Variants in DIAPH2 observed in about 807,000 individuals in gnomAD.
DIAPH2 encodes protein diaphanous homolog 2.
DIAPH2 carries 35 observed loss-of-function variants against 92.7 expected under a neutral mutation model. The ratio of observed to expected loss-of-function variants is 0.38; its 90% confidence interval spans 0.29 to 0.50. DIAPH2 has a LOEUF of 0.50. DIAPH2 is among the 20% of genes least tolerant of loss of function. The pLI is 0.94. For missense variants in DIAPH2, 701 were observed against 819.5 expected (o/e 0.86, Z 1.77); for synonymous variants, 301 against 280.4 (o/e 1.07, Z -0.73).
intron 17 of DIAPH2, among the ~76,000 whole-genome samples, chrX:96,986,134 TG>T (rs2066030237): frequency 9.0e-6 from 1 of 111,622 alleles, no homozygotes; most frequent in Admixed American, 9.5e-5. Flanking sequence ...ATTTTTTGCA[TG>T]AAAAACACCT....
Position 97,600,924 on chromosome X carries a change from C to T in DIAPH2, c.*1607C>T, listed in dbSNP as rs1337783239. ...TGCCTTTGCCTCCAGTGCATCCTTA[C>T]TTAGGTATTATACTTCTTTAAAAAG... On this transcript the variant is annotated 3_prime_UTR_variant, in exon 27 of 27. Transcript: ENST00000324765. 1 of 111,466 alleles carries T rather than the reference C, an allele frequency of 9.0e-6. No individual in the cohort carries two copies. Among genetic ancestry groups the T allele is most frequent in the African/African-American group, 3.3e-5 (1 of 30,577 alleles). 9.2% of individuals were successfully genotyped at this position (111,466 alleles called of 1,213,427 possible).
intron 4 of DIAPH2, among the ~76,000 whole-genome samples, chrX:96,846,203 A>G (rs969824677): frequency 1.9e-5 from 2 of 107,545 alleles, no homozygotes; most frequent in Non-Finnish European, 3.8e-5. Context: ...GCTGGAGTGC[A>G]ATGGTGCAAT....
chrX:97,105,148 C>CA (rs1220598016), intron 20 of DIAPH2, among the ~76,000 whole-genome samples: 19 of 110,621 alleles, frequency 1.7e-4, no homozygotes, highest in East Asian at 5.7e-4. Context: ...AAACCAACAA[C>CA]AAAAAAACAC....
chrX:97,434,871 A>G (rs1193588349), intron 26 of DIAPH2, among the ~76,000 whole-genome samples: 6 of 111,975 alleles, frequency 5.4e-5, no homozygotes, highest in Admixed American at 4.8e-4. Flanking sequence ...GACAAAATGA[A>G]TTCTTGAGTG....
intron 17 of DIAPH2, among the ~76,000 whole-genome samples, chrX:97,012,922 T>G (rs1361862615): frequency 8.9e-6 from 1 of 112,034 alleles, no homozygotes; most frequent in African/African-American, 3.2e-5. Flanking sequence ...CACAGCAGAA[T>G]CTACATCTAC....
intron 5 of DIAPH2, chrX:96,884,598 T>C: frequency 8.3e-7 from 1 of 1,210,515 alleles, no homozygotes; most frequent in Non-Finnish European, 1.1e-6. Flanking sequence ...AAATTGATGA[T>C]ATGACCGCGA....
chrX:96,802,355 C>G (rs2064589033), intron 4 of DIAPH2, among the ~76,000 whole-genome samples: 1 of 112,092 alleles, frequency 8.9e-6, no homozygotes, highest in African/African-American at 3.2e-5. Flanking sequence ...TGATTTTGCT[C>G]TATTAAAACT....
chrX:97,598,655 T>C (rs1602692380), intron 26 of DIAPH2, among the ~76,000 whole-genome samples: 1 of 111,880 alleles, frequency 8.9e-6, no homozygotes, highest in East Asian at 2.8e-4. Flanking sequence ...TAATAATTAT[T>C]CTTCCTGTGA....
intron 23 of DIAPH2, among the ~76,000 whole-genome samples, chrX:97,324,484 T>C (rs1276758890): frequency 2.7e-5 from 3 of 112,508 alleles, no homozygotes; most frequent in Non-Finnish European, 3.7e-5. Context: ...AATCTATCTT[T>C]TGCAAAAAGA....
intron 24 of DIAPH2, among the ~76,000 whole-genome samples, chrX:97,382,114 C>G (rs1269368179): frequency 8.9e-6 from 1 of 111,816 alleles, no homozygotes; most frequent in Admixed American, 9.5e-5. Context: ...ATGTTACTTA[C>G]CAAACATTAT....
intron 5 of DIAPH2, among the ~76,000 whole-genome samples, chrX:96,902,450 A>C (rs1156439734): frequency 9.0e-6 from 1 of 111,168 alleles, no homozygotes; most frequent in Non-Finnish European, 1.9e-5. Context: ...TTGTTTTATA[A>C]ATCTGGGAGC....
chrX:96,954,497 C>T (rs890293449), intron 15 of DIAPH2, among the ~76,000 whole-genome samples: 4 of 111,889 alleles, frequency 3.6e-5, no homozygotes, highest in African/African-American at 6.5e-5. Context: ...AATGTTATAT[C>T]CTCCTCATAA....
At chrX:97,118,359 G>T (rs962778450) in intron 21 of DIAPH2, among the ~76,000 whole-genome samples, 1 of 111,427 alleles carries the variant, frequency 9.0e-6, no homozygotes, top group African/African-American at 3.3e-5. Flanking sequence ...GCCCGGTGTG[G>T]ATTATAAGAA....
At chrX:97,500,763 G>GATAT (rs56041649) in intron 26 of DIAPH2, among the ~76,000 whole-genome samples, 3,556 of 59,731 alleles carry the variant, frequency 0.06, 147 homozygotes, top group East Asian at 0.11. Context: ...CATTCAAGGA[G>GATAT]ATATATATAT....
At chrX:97,180,102 G>A (rs2067526872) in intron 22 of DIAPH2, among the ~76,000 whole-genome samples, 1 of 111,925 alleles carries the variant, frequency 8.9e-6, no homozygotes, top group Non-Finnish European at 1.9e-5. Flanking sequence ...GGGTCAAATG[G>A]TATTTCTGGT....
intron 4 of DIAPH2, among the ~76,000 whole-genome samples, chrX:96,830,598 T>A (rs1038920139): frequency 0.057 from 2,851 of 50,235 alleles, 32 homozygotes; most frequent in Middle Eastern, 0.22. Flanking sequence ...AAAAAAAAAA[T>A]GAGCAAATGA....
intron 4 of DIAPH2, among the ~76,000 whole-genome samples, chrX:96,869,220 A>T (rs1437022401): frequency 9.1e-6 from 1 of 110,053 alleles, no homozygotes; most frequent in African/African-American, 3.3e-5. Context: ...TCACCCTCCA[A>T]GGCAACCTGG....
At chrX:96,939,556 A>ATATATATATGTATGTATATATG (rs1556303073) in intron 12 of DIAPH2, among the ~76,000 whole-genome samples, 174 bp downstream of exon 12, 2 of 66,943 alleles carry the variant, frequency 3.0e-5, no homozygotes, top group East Asian at 4.0e-4. Context: ...GTATATATGT[A>ATATATATATGTATGTATATATG]TATATATATA....
intron 25 of DIAPH2, among the ~76,000 whole-genome samples, chrX:97,414,828 C>T (rs192159398): frequency 9.0e-6 from 1 of 111,326 alleles, no homozygotes; most frequent in African/African-American, 3.3e-5. Flanking sequence ...GACTAAAACA[C>T]CAAAAGCAAT....
Sources: gnomAD v4.1 joint callset for allele counts (sites outside exome capture counted in the v4.1 genomes callset) on GRCh38, gnomAD v4.1.1 for gene constraint, MANE v1.5 for transcripts, NCBI Gene and HGNC (gene_info 2026-07-23, HGNC 2026-07-21) for gene names.